Variants in EYA2 observed in about 807,000 individuals in gnomAD.
EYA2 encodes the protein EYA transcriptional coactivator and phosphatase 2, also known as protein phosphatase EYA2.
EYA2 carries 31 observed loss-of-function variants against 69.2 expected under a neutral mutation model. The ratio of observed to expected loss-of-function variants is 0.45; its 90% confidence interval spans 0.34 to 0.60. The LOEUF is 0.60. Among genes scored for constraint, EYA2 ranks in the 20% least tolerant of loss-of-function variants. The probability of loss-of-function intolerance (pLI) is 0.02; values close to 1 mark genes in which losing one functional copy is unlikely to be tolerated. For synonymous variants in EYA2, 257 were observed against 279.4 expected (o/e 0.92, Z 0.80); for missense variants, 622 against 701.2 (o/e 0.89, Z 1.28).
At chr20:47,011,635 G>A (rs574172918) in intron 4 of EYA2, among the ~76,000 whole-genome samples, 1 of 49,484 alleles carries the variant, frequency 2.0e-5, no homozygotes, top group East Asian at 2.9e-4. Flanking sequence ...GTATTCCTTC[G>A]GGTGTCCACA....
chr20:47,116,694 C>T (rs998844654), intron 9 of EYA2, among the ~76,000 whole-genome samples: 2 of 152,182 alleles, frequency 1.3e-5, no homozygotes, highest in Non-Finnish European at 2.9e-5. Context: ...CCCTTCCTTC[C>T]CCTCCACTCT....
chr20:47,010,483 C>T (rs1164754946), intron 4 of EYA2, among the ~76,000 whole-genome samples: 1 of 152,102 alleles, frequency 6.6e-6, no homozygotes, highest in Non-Finnish European at 1.5e-5. Context: ...GTCTCAAGAA[C>T]TACTGGGCGT....
intron 1 of EYA2, among the ~76,000 whole-genome samples, chr20:46,921,633 A>G (rs904937089): frequency 2.6e-5 from 4 of 152,188 alleles, no homozygotes; most frequent in Admixed American, 2.0e-4. Flanking sequence ...TTGTTGAGGA[A>G]TGATGCCCTC....
chr20:46,955,388 AC>A (rs1339469234), intron 1 of EYA2, among the ~76,000 whole-genome samples: 1 of 152,152 alleles, frequency 6.6e-6, no homozygotes, highest in East Asian at 1.9e-4. Flanking sequence ...AAATATAAGG[AC>A]CACTTTTATA....
At chr20:47,165,427 C>A (rs750191522) in intron 10 of EYA2, among the ~76,000 whole-genome samples, 3 of 152,188 alleles carry the variant, frequency 2.0e-5, no homozygotes, top group Admixed American at 1.3e-4. Context: ...CAGTGAGTTT[C>A]TCATTCAGGG....
intron 9 of EYA2, among the ~76,000 whole-genome samples, chr20:47,107,170 C>T (rs907116298): frequency 1.3e-5 from 2 of 152,182 alleles, no homozygotes; most frequent in Non-Finnish European, 2.9e-5. Flanking sequence ...CCATTAAAAA[C>T]TCTGCCCTCA....
At chr20:47,180,518 G>A (rs746809559) in intron 13 of EYA2, among the ~76,000 whole-genome samples, 5 of 152,156 alleles carry the variant, frequency 3.3e-5, no homozygotes, top group Non-Finnish European at 5.9e-5. Context: ...TCCTACACTT[G>A]TTCCATATCA....
intron 1 of EYA2, among the ~76,000 whole-genome samples, chr20:46,906,386 A>T (rs1363573869): frequency 6.6e-6 from 1 of 152,228 alleles, no homozygotes; most frequent in Non-Finnish European, 1.5e-5. Flanking sequence ...ACTAACCAGA[A>T]TTGCAATGCT....
chr20:47,119,222 A>G (rs1443822039), intron 9 of EYA2, among the ~76,000 whole-genome samples: 2 of 152,230 alleles, frequency 1.3e-5, no homozygotes, highest in Non-Finnish European at 2.9e-5. Context: ...GTCACCTGCT[A>G]AACGGCAGGA....
intron 1 of EYA2, among the ~76,000 whole-genome samples, chr20:46,922,631 G>A (rs552337564): frequency 4.6e-5 from 7 of 152,230 alleles, no homozygotes; most frequent in East Asian, 1.9e-4. Context: ...GCTTACAGTC[G>A]AATGCCGAGG....
At chr20:47,183,514 C>A (rs183835726) in intron 15 of EYA2, 123 bp downstream of exon 15, 1 of 742,424 alleles carries the variant, frequency 1.3e-6, no homozygotes, top group African/African-American at 1.8e-5. Context: ...TTCCCAGGCT[C>A]CTTGCTTGCC....
chr20:47,058,092 G>C (rs895112774), intron 5 of EYA2, among the ~76,000 whole-genome samples: 5 of 139,832 alleles, frequency 3.6e-5, no homozygotes, highest in African/African-American at 1.4e-4. Flanking sequence ...CTTGGATTAA[G>C]TTAATACCGG....
At chr20:47,081,473 T>C (rs2031714712) in intron 7 of EYA2, among the ~76,000 whole-genome samples, 1 of 151,896 alleles carries the variant, frequency 6.6e-6, no homozygotes, top group Admixed American at 6.6e-5. Flanking sequence ...ATCTACAGGG[T>C]TGCTGTGAAA....
Position 46,937,081 on chromosome 20 carries a change from A to G in EYA2, c.-11+42094A>G, listed in dbSNP as rs528656775. ...GAAGAAAGAGACAACACTGCTCTGAAGCAGTTTGACTGCAAAGTAATAAAT... is the reference window on the plus strand; with the variant it reads ...GAAGAAAGAGACAACACTGCTCTGAGGCAGTTTGACTGCAAAGTAATAAAT... On this transcript the variant is annotated intron_variant, in intron 1 of 15. Transcript: ENST00000327619. 6.6e-5 allele frequency among the ~76,000 whole-genome samples: 10 copies of G among 152,332 alleles called. No homozygotes were observed. In the East Asian group the frequency reaches 1.5e-3, roughly 24 times the overall value.
chr20:47,019,427 A>G (rs1395325413), intron 5 of EYA2, among the ~76,000 whole-genome samples: 1 of 151,914 alleles, frequency 6.6e-6, no homozygotes, highest in African/African-American at 2.4e-5. Context: ...TTTTTCAAAC[A>G]CAAACACACA....
At chr20:47,169,366 G>C (rs3091985) in intron 11 of EYA2, among the ~76,000 whole-genome samples, 169 bp downstream of exon 11, 87,671 of 151,824 alleles carry the variant, frequency 0.58, 26,339 homozygotes, top group African/African-American at 0.75. Context: ...TCACAACTAG[G>C]CGGGTGTGGT....
chr20:46,940,395 G>A lies in EYA2; in HGVS notation c.-11+45408G>A, dbSNP rs538520542. On this transcript the variant is annotated intron_variant, in intron 1 of 15. Coordinates refer to ENST00000327619, the MANE Select transcript of EYA2 (RefSeq NM_005244.5). ...CAGAGAGGTCAAATCATTTGCTCAAGGTAACTCTGGTCCTGTGTGGAGAGC... is the reference window on the plus strand; with the variant it reads ...CAGAGAGGTCAAATCATTTGCTCAAAGTAACTCTGGTCCTGTGTGGAGAGC... Among the ~76,000 whole-genome samples the A allele has an allele frequency of 1.5e-4, 23 of 152,274 alleles. No individual in the cohort carries two copies. The East Asian group carries it at 4.4e-3, about 29-fold the overall frequency.
Position 46,910,325 on chromosome 20 carries a change from A to G in EYA2, c.-11+15338A>G, listed in dbSNP as rs139438478. 7.9e-5 allele frequency among the ~76,000 whole-genome samples: 12 copies of G among 152,304 alleles called. No homozygotes were observed. The East Asian group carries it at 2.3e-3, about 29-fold the overall frequency. On this transcript the variant is annotated intron_variant, in intron 1 of 15. Coordinates refer to ENST00000327619, the MANE Select transcript of EYA2 (RefSeq NM_005244.5). ...AGGTGCCACACTGTTGTAAACAACC[A>G]GGTCTTATGAGAACTCTGTCACAAG...
intron 10 of EYA2, 25 bp downstream of exon 10, chr20:47,143,173 A>C (rs758943992): frequency 1.3e-6 from 2 of 1,586,722 alleles, no homozygotes; most frequent in East Asian, 4.5e-5. Context: ...ATTTCATTTA[A>C]TATTTGCCAT....
Sources: gnomAD v4.1 joint callset for allele counts (sites outside exome capture counted in the v4.1 genomes callset) on GRCh38, gnomAD v4.1.1 for gene constraint, MANE v1.5 for transcripts, NCBI Gene and HGNC (gene_info 2026-07-23, HGNC 2026-07-21) for gene names.